PTPRD: variants seen among roughly 807,000 people sequenced by gnomAD.
The protein encoded by PTPRD is protein tyrosine phosphatase receptor type D.
In PTPRD, 34 loss-of-function variants were observed where a neutral mutation model predicts 214.5. That is an observed-to-expected ratio of 0.16 (90% CI 0.12 to 0.21). PTPRD has a LOEUF of 0.21. Among genes scored for constraint, PTPRD ranks in the 10% least tolerant of loss-of-function variants. The pLI is 1.00. For synonymous variants in PTPRD, 1,128 were observed against 845.7 expected, an observed-to-expected ratio of 1.33 and a Z score of -5.79; for missense variants, 2,545 against 2,398.7, an observed-to-expected ratio of 1.06 and a Z score of -1.27.
intron 3 of PTPRD, among the ~76,000 whole-genome samples, chr9:10,121,991 G>A (rs575913013): frequency 6.6e-6 from 1 of 152,130 alleles, no homozygotes; most frequent in African/African-American, 2.4e-5. Flanking sequence ...GTTCACAATA[G>A]CTTCGGGCTT....
chr9:9,670,617 C>T (rs1016435224), intron 7 of PTPRD, among the ~76,000 whole-genome samples: 5 of 152,186 alleles, frequency 3.3e-5, no homozygotes, highest in African/African-American at 1.2e-4. Flanking sequence ...GGCCCAGTGT[C>T]CTGGTGCTGT....
At chr9:9,429,852 C>T (rs946275860) in intron 8 of PTPRD, among the ~76,000 whole-genome samples, 5 of 141,826 alleles carry the variant, frequency 3.5e-5, no homozygotes, top group African/African-American at 1.2e-4. Flanking sequence ...AATTCAACAA[C>T]CCTTCATGCT....
chr9:9,681,382 T>C (rs2097067360), intron 7 of PTPRD, among the ~76,000 whole-genome samples: 1 of 151,740 alleles, frequency 6.6e-6, no homozygotes, highest in South Asian at 2.1e-4. Context: ...TCCCTTATTT[T>C]TCCTCTTTCA....
At chr9:10,069,999 T>C (rs990286657) in intron 3 of PTPRD, among the ~76,000 whole-genome samples, 2 of 152,022 alleles carry the variant, frequency 1.3e-5, no homozygotes, top group Non-Finnish European at 2.9e-5. Flanking sequence ...TTAAAACACA[T>C]ATTCTTGGGG....
chr9:9,654,908 T>A (rs570164258), intron 7 of PTPRD, among the ~76,000 whole-genome samples: 1 of 152,200 alleles, frequency 6.6e-6, no homozygotes, highest in South Asian at 2.1e-4. Context: ...TTCAATGATT[T>A]TATACAATTA....
chr9:9,172,485 G>T (rs532899474), intron 10 of PTPRD, among the ~76,000 whole-genome samples: 4 of 151,944 alleles, frequency 2.6e-5, no homozygotes, highest in Admixed American at 2.6e-4. Flanking sequence ...TCCCTTGCCC[G>T]TTTGGACCTA....
At position 10,116,921 on chromosome 9, in the gene PTPRD, T is replaced by A. The variant is rs371083069; in HGVS notation, c.-544-83131A>T. The stretch of plus-strand genomic sequence containing the variant: ...TGCATAATGTACTCATCTGCATTCA[T>A]CTAGACTTTTTTCAAATGTCGCCTT... On this transcript the variant is annotated intron_variant, in intron 3 of 45. Transcript: ENST00000381196. Among the ~76,000 whole-genome samples the A allele has an allele frequency of 9.2e-5, 14 of 151,754 alleles. No individual in the cohort carries two copies. The East Asian group carries it at 1.2e-3, about 13-fold the overall frequency.
intron 34 of PTPRD, among the ~76,000 whole-genome samples, chr9:8,442,740 T>C (rs1204860884): frequency 6.6e-6 from 1 of 152,198 alleles, no homozygotes; most frequent in Non-Finnish European, 1.5e-5. Flanking sequence ...ATATTTGTTA[T>C]TTGTATCACA....
chr9:8,749,877 G>A (rs1236990114), intron 11 of PTPRD, among the ~76,000 whole-genome samples: 2 of 152,074 alleles, frequency 1.3e-5, no homozygotes, highest in African/African-American at 4.8e-5. Flanking sequence ...CAAGGAGGGT[G>A]GATGATCTGA....
intron 5 of PTPRD, among the ~76,000 whole-genome samples, chr9:9,925,786 G>A (rs995321243): frequency 1.3e-5 from 2 of 151,852 alleles, no homozygotes; most frequent in Non-Finnish European, 2.9e-5. Context: ...GATAGATGAT[G>A]ACTTGTGAGA....
intron 7 of PTPRD, among the ~76,000 whole-genome samples, chr9:9,662,973 T>G (rs532628825): frequency 3.3e-5 from 5 of 151,612 alleles, no homozygotes; most frequent in Non-Finnish European, 7.4e-5. Context: ...GGGCTCACTA[T>G]TTTTCTTTAT....
intron 3 of PTPRD, among the ~76,000 whole-genome samples, chr9:10,155,991 A>G (rs935286678): frequency 1.3e-5 from 2 of 150,532 alleles, no homozygotes; most frequent in African/African-American, 4.9e-5. Context: ...ATTTCTCCTC[A>G]ATTTTTTTTG....
At chr9:9,090,040 C>T (rs1339948064) in intron 10 of PTPRD, among the ~76,000 whole-genome samples, 1 of 152,176 alleles carries the variant, frequency 6.6e-6, no homozygotes, top group Non-Finnish European at 1.5e-5. Context: ...ATATTCATCA[C>T]ATTGAACATT....
intron 9 of PTPRD, among the ~76,000 whole-genome samples, chr9:9,250,025 C>T (rs927863592): frequency 6.6e-6 from 1 of 152,050 alleles, no homozygotes; most frequent in Non-Finnish European, 1.5e-5. Context: ...GTTTGAATAA[C>T]TACAGTTAAG....
chr9:10,171,957 T>C (rs1220803820), intron 3 of PTPRD, among the ~76,000 whole-genome samples: 1 of 152,192 alleles, frequency 6.6e-6, no homozygotes, highest in Non-Finnish European at 1.5e-5. Flanking sequence ...CATGGTGTTA[T>C]ATTTTCCTTG....
intron 2 of PTPRD, among the ~76,000 whole-genome samples, chr9:10,565,574 C>T (rs10809121): frequency 0.26 from 38,939 of 151,838 alleles, 5,631 homozygotes; most frequent in Non-Finnish European, 0.33. Context: ...AATGCTGTTA[C>T]GGAACTGTAT....
At chr9:9,867,688 G>A (rs1031147808) in intron 5 of PTPRD, among the ~76,000 whole-genome samples, 12 of 152,066 alleles carry the variant, frequency 7.9e-5, no homozygotes, top group East Asian at 1.9e-4. Context: ...AAAAGTATCC[G>A]GAGTCCCTTT....
rs539831652 is a variant in PTPRD, at chr9:8,482,227, C to T, written c.3413+1892G>A. ...ACACCATCATTCATTGTCATCCAAG[C>T]TCAGAACTCAGAGCCATATTTTACT... On this transcript the variant is annotated intron_variant, in intron 30 of 45. Coordinates refer to ENST00000381196, the MANE Select transcript of PTPRD (RefSeq NM_002839.4). Among the ~76,000 whole-genome samples the T allele has an allele frequency of 1.1e-4, 16 of 152,230 alleles. No individual in the cohort carries two copies. In the East Asian group the frequency reaches 3.1e-3, roughly 29 times the overall value.
intron 8 of PTPRD, among the ~76,000 whole-genome samples, chr9:9,405,780 CATT>C (rs764156954): frequency 4.8e-4 from 73 of 152,106 alleles, no homozygotes; most frequent in Non-Finnish European, 8.4e-4. Context: ...CCATTATCAT[CATT>C]GTTTCCATCT....
Sources: allele counts gnomAD v4.1 joint callset (sites outside exome capture counted in the v4.1 genomes callset), GRCh38; gene constraint gnomAD v4.1.1; transcripts MANE v1.5; gene names NCBI Gene and HGNC (gene_info 2026-07-23, HGNC 2026-07-21).